TRIP12: variants seen among roughly 807,000 people sequenced by gnomAD.
TRIP12 encodes the protein E3 ubiquitin-protein ligase TRIP12.
In TRIP12, 25 loss-of-function variants were observed where a neutral mutation model predicts 244.2. That is an observed-to-expected ratio of 0.10 (90% CI 0.07 to 0.14). TRIP12 has a LOEUF of 0.14. Ranked by LOEUF, TRIP12 falls within the 10% of genes least tolerant of loss-of-function variation. TRIP12 has a pLI of 1.00. For synonymous variants in TRIP12, 905 were observed against 873.1 expected (o/e 1.04, Z -0.64); for missense variants, 1,677 against 2,486.4 (o/e 0.67, Z 6.92).
chr2:229,812,623 T>G (rs1409122386), intron 13 of TRIP12, among the ~76,000 whole-genome samples: 3 of 152,046 alleles, frequency 2.0e-5, no homozygotes, highest in Non-Finnish European at 4.4e-5. Flanking sequence ...CTGGCCAACA[T>G]GGCGAAACCC....
intron 1 of TRIP12, among the ~76,000 whole-genome samples, chr2:229,886,457 A>T (rs1011789694): frequency 6.6e-6 from 1 of 151,388 alleles, no homozygotes. Context: ...TACAACATGT[A>T]AAAATAGCAT....
At position 229,765,850 on chromosome 2, in the gene TRIP12, G is replaced by C. The variant is rs1485584536; in HGVS notation, c.*1704C>G. 1 of 152,218 alleles carries C rather than the reference G, an allele frequency of 6.6e-6. No homozygotes were observed. The highest frequency in any genetic ancestry group is 1.9e-4 in the East Asian group (1 of 5,196). 9.4% of individuals were successfully genotyped at this position (152,218 alleles called of 1,614,324 possible). A position where few individuals can be genotyped will look rare whatever the true frequency, so the allele number is the denominator to read the frequency against. ...TCAGGGAAAAGCCATTCACTTGTCAGTCTCTGCAGAGACAGGGAGAGAATT... is the reference window on the plus strand; with the variant it reads ...TCAGGGAAAAGCCATTCACTTGTCACTCTCTGCAGAGACAGGGAGAGAATT... On this transcript the variant is annotated 3_prime_UTR_variant, in exon 42 of 42. Transcript: ENST00000675903.
intron 7 of TRIP12, 52 bp from the exon 8 acceptor site, chr2:229,829,340 G>A (rs1559694849): frequency 1.4e-6 from 2 of 1,443,012 alleles, no homozygotes; most frequent in Non-Finnish European, 1.9e-6. Flanking sequence ...TCATGCAACT[G>A]ATGTATCTAA....
At chr2:229,811,879 A>T (rs2154279410) in intron 13 of TRIP12, among the ~76,000 whole-genome samples, 1 of 152,338 alleles carries the variant, frequency 6.6e-6, no homozygotes. Context: ...TTCTACAAAA[A>T]TGAGAATAAT....
chr2:229,883,374 A>G (rs998177210), intron 1 of TRIP12, among the ~76,000 whole-genome samples: 2 of 152,256 alleles, frequency 1.3e-5, no homozygotes, highest in African/African-American at 4.8e-5. Context: ...GACTTGACCA[A>G]TTACTTATGT....
At position 229,811,165 on chromosome 2, in the gene TRIP12, G is replaced by A. The variant is rs2047155348; in HGVS notation, c.2026C>T (p.Arg676Cys). The A allele has an allele frequency of 3.1e-6, 5 of 1,613,774 alleles. No homozygotes were observed. The highest frequency in any genetic ancestry group is 1.1e-5 in the South Asian group (1 of 91,046). ...SVESTCLCFA[R>C]LVDNFQHEEN... is the part of the protein sequence containing the mutation. ...TCATGCTGGAAGTTGTCCACTAGGC[G>A]TGCAAAACAAAGGCAAGTGCTTTCT... is the stretch of plus-strand genomic sequence containing the variant. The change falls in exon 14 of 42, where the codon CGC (arginine) becomes TGC (cysteine). Residue 676 changes from arginine (R) to cysteine (C), a missense_variant. By Grantham distance (180) the Arg-to-Cys change is radical. Around this residue, in one of 11 missense-constraint regions of TRIP12, gnomAD observed 572 missense variants for 867.8 expected, o/e 0.66. Coordinates refer to ENST00000675903, the MANE Select transcript of TRIP12 (RefSeq NM_001348323.3).
intron 1 of TRIP12, among the ~76,000 whole-genome samples, chr2:229,915,046 A>T (rs1246269235): frequency 6.6e-6 from 1 of 152,196 alleles, no homozygotes; most frequent in African/African-American, 2.4e-5. Context: ...TGAGGTCAGG[A>T]GTTCAAGACC....
intron 1 of TRIP12, among the ~76,000 whole-genome samples, chr2:229,892,962 A>C (rs749832550): frequency 2.0e-5 from 3 of 152,224 alleles, no homozygotes; most frequent in Middle Eastern, 3.2e-3. Context: ...ACATAAACTG[A>C]ACAACATTTG....
At chr2:229,812,150 C>G (rs950647606) in intron 13 of TRIP12, among the ~76,000 whole-genome samples, 90 of 152,246 alleles carry the variant, frequency 5.9e-4, no homozygotes, top group African/African-American at 2.2e-3. Context: ...AGTGCAATGG[C>G]ACGATCTCAG....
At chr2:229,911,384 T>C (rs1004743941) in intron 1 of TRIP12, among the ~76,000 whole-genome samples, 3 of 151,998 alleles carry the variant, frequency 2.0e-5, no homozygotes, top group African/African-American at 7.2e-5. Flanking sequence ...CTGAAAAAAA[T>C]TGTTTTTAGT....
chr2:229,840,997 C>T, intron 4 of TRIP12, 70 bp from the exon 5 acceptor site: 1 of 1,158,816 alleles, frequency 8.6e-7, no homozygotes, highest in Non-Finnish European at 1.2e-6. Flanking sequence ...TTATAAAATT[C>T]TTCAGGTCAT....
rs1209146216 is a variant in TRIP12 at position 229,791,148 on chromosome 2, T to C, written c.4519A>G (p.Lys1507Glu). The C allele has an allele frequency of 6.2e-7, 1 of 1,614,180 alleles. No individual in the cohort carries two copies. Reference protein sequence around the residue: ...APTKTSPRNAKKHDELWHDGV... With the variant: ...APTKTSPRNAEKHDELWHDGV... Reference sequence around the variant, plus strand: ...CCGTGCCATAACTCATCATGCTTTTTTGCATTTCTAGGGGAAGTTTTCGTT... The same window carrying C: ...CCGTGCCATAACTCATCATGCTTTTCTGCATTTCTAGGGGAAGTTTTCGTT... Residue 1507 changes from lysine (K) to glutamate (E), a missense_variant, in exon 30 of 42, where the codon AAA becomes GAA. Transcript: ENST00000675903.
Position 229,764,990 on chromosome 2 carries a change from TA to T in TRIP12, c.*2563del, listed in dbSNP as rs1240779124. The T allele has an allele frequency of 1.3e-5, 2 of 152,334 alleles. No homozygotes were observed. Among genetic ancestry groups the T allele is most frequent in the African/African-American group, 4.8e-5 (2 of 41,580 alleles). 9.4% of individuals were successfully genotyped at this position (152,334 alleles called of 1,614,324 possible). A position where few individuals can be genotyped will look rare whatever the true frequency, so the allele number is the denominator to read the frequency against. The stretch of plus-strand genomic sequence containing the variant: ...TTCTGCTGGGTTTGGCTAAGGCATC[TA>T]AAACTCCGTGTCTGCTCCCAATTAG... On this transcript the variant is annotated 3_prime_UTR_variant, in exon 42 of 42. Transcript: ENST00000675903.
At chr2:229,840,189 A>G (rs767642017) in intron 5 of TRIP12, among the ~76,000 whole-genome samples, 7 of 152,232 alleles carry the variant, frequency 4.6e-5, no homozygotes, top group Non-Finnish European at 7.3e-5. Flanking sequence ...TATTTGGCAG[A>G]CGAGAACTCT....
At chr2:229,910,396 T>A (rs1296776224) in intron 1 of TRIP12, among the ~76,000 whole-genome samples, 2 of 152,118 alleles carry the variant, frequency 1.3e-5, no homozygotes, top group East Asian at 1.9e-4. Flanking sequence ...AGTAAACACA[T>A]GAGTTAGGTA....
chr2:229,883,027 T>C (rs764742360), intron 1 of TRIP12, among the ~76,000 whole-genome samples: 4 of 152,338 alleles, frequency 2.6e-5, no homozygotes, highest in African/African-American at 4.8e-5. Context: ...TTTAATTTCC[T>C]GAAAGTAAAT....
intron 30 of TRIP12, 43 bp from the exon 31 acceptor site, chr2:229,789,805 A>C (rs2040973464): frequency 6.2e-7 from 1 of 1,609,344 alleles, no homozygotes; most frequent in African/African-American, 1.3e-5. Flanking sequence ...CAAAGTTAGA[A>C]AGGCTAAGCC....
intron 2 of TRIP12, among the ~76,000 whole-genome samples, chr2:229,863,097 C>A (rs1458462460): frequency 6.6e-6 from 1 of 151,818 alleles, no homozygotes; most frequent in African/African-American, 2.4e-5. Context: ...GGCATGGTGG[C>A]GCACACCTGT....
At chr2:229,867,171 GTT>G (rs11335613) in intron 2 of TRIP12, among the ~76,000 whole-genome samples, 10 of 123,550 alleles carry the variant, frequency 8.1e-5, no homozygotes, top group East Asian at 2.4e-4. Context: ...TTGTTTGTTT[GTT>G]TTTTTTTTTT....
Sources: allele counts gnomAD v4.1 joint callset (sites outside exome capture counted in the v4.1 genomes callset), GRCh38; gene constraint gnomAD v4.1.1; regional missense constraint gnomAD v4.1.1; transcripts MANE v1.5; gene names NCBI Gene and HGNC (gene_info 2026-07-23, HGNC 2026-07-21).